Variants in SERINC5 observed in about 807,000 individuals in gnomAD.
SERINC5 encodes chromosome 5 open reading frame 12.
A neutral mutation model predicts 63.1 loss-of-function variants in SERINC5; 41 were observed. The ratio of observed to expected loss-of-function variants is 0.65; its 90% confidence interval spans 0.51 to 0.84. SERINC5 has a LOEUF of 0.84. SERINC5 is among the 40% of genes least tolerant of loss of function. The pLI, the probability that SERINC5 is intolerant of heterozygous loss-of-function variation, is 0.00. For synonymous variants in SERINC5, 222 were observed against 215.2 expected (o/e 1.03, Z -0.28); for missense variants, 523 against 573.0 (o/e 0.91, Z 0.89).
chr5:80,155,572 C>CAAAA (rs758862000), intron 8 of SERINC5, among the ~76,000 whole-genome samples: 1 of 117,614 alleles, frequency 8.5e-6, no homozygotes. Context: ...AACTCCGTCT[C>CAAAA]AAAAAAAAAA....
intron 1 of SERINC5, among the ~76,000 whole-genome samples, chr5:80,221,008 G>A (rs1335145767): frequency 6.6e-6 from 1 of 152,050 alleles, no homozygotes; most frequent in African/African-American, 2.4e-5. Context: ...CCCCAAAACA[G>A]GTCAGCCCTG....
In SERINC5 at chr5:80,202,937, G is replaced by T. The variant is rs780600559; in HGVS notation, c.144C>A (p.Val48=). The change falls in exon 2 of 12, where the codon GTC becomes GTA. Residue 48 remains valine (V), a synonymous_variant. Transcript: ENST00000507668. ...TTGTTGACATCATGATGCAGCAGAG[G>T]ACGACGACCAGAATGAAGTAGAGGG... ...MYALYFILVV[V]LCCIMMSTTV... The T allele has an allele frequency of 6.2e-7, 1 of 1,613,524 alleles. No homozygotes were observed. Among genetic ancestry groups the T allele is most frequent in the Non-Finnish European group, 8.5e-7 (1 of 1,179,538 alleles).
intron 6 of SERINC5, 128 bp from the exon 7 acceptor site, chr5:80,166,606 G>GA (rs1463442511): frequency 5.1e-6 from 3 of 593,142 alleles, no homozygotes; most frequent in African/African-American, 3.8e-5. Flanking sequence ...AAAGAAAAGA[G>GA]AAAAAAATGT....
intron 2 of SERINC5, among the ~76,000 whole-genome samples, chr5:80,181,416 T>TTA (rs113118702): frequency 6.9e-6 from 1 of 145,348 alleles, no homozygotes; most frequent in Non-Finnish European, 1.5e-5. Flanking sequence ...TCAGCTAATT[T>TTA]TGTGTGTGTG....
chr5:80,233,533 G>C (rs1293275340), intron 1 of SERINC5, among the ~76,000 whole-genome samples: 1 of 152,022 alleles, frequency 6.6e-6, no homozygotes, highest in Admixed American at 6.6e-5. Flanking sequence ...GGACATCTCT[G>C]CTCATTAGAG....
intron 5 of SERINC5, among the ~76,000 whole-genome samples, chr5:80,174,369 A>AAAAAATAATAAT (rs1747874757): frequency 7.6e-6 from 1 of 131,718 alleles, no homozygotes; most frequent in Admixed American, 7.9e-5. Flanking sequence ...CCCATCTCAA[A>AAAAAATAATAAT]AATAATAATA....
rs1750555152 is a variant in SERINC5, at chr5:80,214,089, GAATAT to G, written c.28-11041_28-11037del. On this transcript the variant is annotated intron_variant, in intron 1 of 11. Coordinates refer to ENST00000507668, the MANE Select transcript of SERINC5 (RefSeq NM_001174072.3). ...TAAATTACAGAAGGTTCATGTTGTA[GAATAT>G]AATACACCCACTGAAATGATTATAT... Among the ~76,000 whole-genome samples the G allele has an allele frequency of 3.3e-5, 5 of 152,264 alleles. No individual in the cohort carries two copies. In the South Asian group the frequency reaches 8.3e-4, roughly 25 times the overall value.
intron 8 of SERINC5, among the ~76,000 whole-genome samples, chr5:80,152,715 T>TGG (rs1211295028): frequency 1.3e-5 from 2 of 151,590 alleles, no homozygotes; most frequent in Non-Finnish European, 2.9e-5. Context: ...CCAAGGCGGG[T>TGG]GGATCCCTTG....
intron 2 of SERINC5, among the ~76,000 whole-genome samples, chr5:80,200,942 A>G (rs1440763394): frequency 6.6e-6 from 1 of 151,660 alleles, no homozygotes; most frequent in Non-Finnish European, 1.5e-5. Flanking sequence ...AAAGAAAGAT[A>G]CGAAAATTTA....
intron 11 of SERINC5, among the ~76,000 whole-genome samples, chr5:80,114,016 C>T (rs1409261876): frequency 1.3e-5 from 2 of 152,018 alleles, no homozygotes; most frequent in Non-Finnish European, 2.9e-5. Context: ...CCGATGTTCC[C>T]AGGATCCTTC....
intron 1 of SERINC5, among the ~76,000 whole-genome samples, chr5:80,244,422 G>A (rs1752079677): frequency 6.6e-6 from 1 of 151,854 alleles, no homozygotes; most frequent in South Asian, 2.1e-4. Flanking sequence ...TACCACGTTG[G>A]TCAAGCTGGT....
At chr5:80,212,531 A>G (rs1408594703) in intron 1 of SERINC5, among the ~76,000 whole-genome samples, 1 of 152,124 alleles carries the variant, frequency 6.6e-6, no homozygotes, top group Admixed American at 6.5e-5. Context: ...TCTACTTTGG[A>G]GAGCAACATT....
chr5:80,143,574 G>A lies in SERINC5; in HGVS notation c.*89C>T, dbSNP rs1745638927. On this transcript the variant is annotated 3_prime_UTR_variant, in exon 12 of 12. Transcript: ENST00000507668. ...GCTTTTTCAGACCCACTCAGGCACA[G>A]GGCGCCAGTCCCTGCCCCGGGGACA... 3 of 1,433,844 alleles carry A rather than the reference G, an allele frequency of 2.1e-6. No individual in the cohort carries two copies. Among genetic ancestry groups the A allele is most frequent in the Non-Finnish European group, 2.7e-6 (3 of 1,091,944 alleles). The allele number at this position is 1,433,844 out of a possible 1,614,324, so 88.8% of individuals were successfully genotyped here.
At chr5:80,196,343 A>T (rs190087557) in intron 2 of SERINC5, among the ~76,000 whole-genome samples, 10 of 152,176 alleles carry the variant, frequency 6.6e-5, no homozygotes, top group East Asian at 1.9e-4. Context: ...CGACTAAAAT[A>T]AAAAAAAGAT....
intron 2 of SERINC5, among the ~76,000 whole-genome samples, chr5:80,189,053 A>G (rs1749014749): frequency 6.6e-6 from 1 of 152,174 alleles, no homozygotes. Flanking sequence ...TACAATGGAT[A>G]TCATCCTTAT....
chr5:80,156,095 C>T (rs1487791802), intron 8 of SERINC5, among the ~76,000 whole-genome samples: 1 of 152,130 alleles, frequency 6.6e-6, no homozygotes, highest in African/African-American at 2.4e-5. Flanking sequence ...CAGTCTTCTA[C>T]AACTTTACAA....
intron 11 of SERINC5, 71 bp from the exon 12 acceptor site, chr5:80,143,881 C>T: frequency 6.7e-7 from 1 of 1,489,636 alleles, no homozygotes; most frequent in Non-Finnish European, 9.0e-7. Flanking sequence ...AATTCACATC[C>T]ATTTATAATG....
chr5:80,205,250 G>A (rs1225134487), intron 1 of SERINC5, among the ~76,000 whole-genome samples: 1 of 152,192 alleles, frequency 6.6e-6, no homozygotes, highest in Non-Finnish European at 1.5e-5. Context: ...CCATTGCACA[G>A]AGCTTTCTTC....
chr5:80,114,946 G>C (rs1042464965), intron 11 of SERINC5, among the ~76,000 whole-genome samples: 12 of 151,990 alleles, frequency 7.9e-5, no homozygotes, highest in African/African-American at 2.7e-4. Context: ...GTGTGTCTCT[G>C]GATCTGTGAC....
Sources: gnomAD v4.1 joint callset for allele counts (sites outside exome capture counted in the v4.1 genomes callset) on GRCh38, gnomAD v4.1.1 for gene constraint, MANE v1.5 for transcripts, NCBI Gene and HGNC (gene_info 2026-07-23, HGNC 2026-07-21) for gene names.